GOLPH3: variants seen among roughly 807,000 people sequenced by gnomAD.
GOLPH3 encodes golgi phosphoprotein 3.
Under a neutral mutation model 28.5 loss-of-function variants are expected in GOLPH3, and 14 were observed. That is an observed-to-expected ratio of 0.49 (90% CI 0.32 to 0.77). GOLPH3 has a LOEUF of 0.77. GOLPH3 is among the 30% of genes least tolerant of loss of function. The pLI, the probability that GOLPH3 is intolerant of heterozygous loss-of-function variation, is 0.03. For missense variants in GOLPH3, 350 were observed against 393.7 expected (o/e 0.89, Z 0.94); for synonymous variants, 158 against 159.2 (o/e 0.99, Z 0.06).
rs779770172 is a variant in GOLPH3 at position 32,143,826 on chromosome 5, A to G, written c.280T>C (p.Leu94=). 19 of 1,595,722 alleles carry G rather than the reference A, an allele frequency of 1.2e-5. No homozygotes were observed. The East Asian group carries it at 4.3e-4, about 36-fold the overall frequency. ...CTTCCTCTCAATGCTAATTCAATTA[A>G]CATACAGCCACGTAATCCAGATGAT... The part of the protein sequence containing the change: ...CISSGLRGCM[L]IELALRGRLQ... Residue 94 remains leucine, a synonymous_variant, in exon 2 of 4, where the codon TTA becomes CTA. Transcript: ENST00000265070.
At chr5:32,152,427 C>T (rs116903961) in intron 1 of GOLPH3, among the ~76,000 whole-genome samples, 4,512 of 124,692 alleles carry the variant, frequency 0.036, 141 homozygotes, top group East Asian at 0.18. Flanking sequence ...GCCTGCCCCC[C>T]CCAGCCTTTT....
chr5:32,159,032 C>T (rs941989921), intron 1 of GOLPH3, among the ~76,000 whole-genome samples: 10 of 152,206 alleles, frequency 6.6e-5, no homozygotes, highest in Non-Finnish European at 8.8e-5. Flanking sequence ...GGACCTGCCA[C>T]GCACTGAGTG....
At position 32,166,966 on chromosome 5, in the gene GOLPH3, AG is replaced by A. The variant is rs147159094; in HGVS notation, c.225+6843del. 8.2e-4 allele frequency among the ~76,000 whole-genome samples: 123 copies of A among 150,750 alleles called. 1 individual carries two copies. The highest frequency in any genetic ancestry group is 1.9e-3 in the African/African-American group (78 of 40,930). On this transcript the variant is annotated intron_variant, in intron 1 of 3. Transcript: ENST00000265070. ...GCAGTAGAAAAGTTATGCTGTTAGAAGGGGGGGGGAGTTTGCAAAGACATAA... is the reference window on the plus strand; with the variant it reads ...GCAGTAGAAAAGTTATGCTGTTAGAAGGGGGGGGAGTTTGCAAAGACATAA...
chr5:32,135,608 G>C lies in GOLPH3; in HGVS notation c.436C>G (p.Pro146Ala), dbSNP rs1486718507. Residue 146 changes from proline to alanine, a missense_variant, in exon 3 of 4, where the codon CCA (proline) becomes GCA (alanine). Coordinates refer to ENST00000265070, the MANE Select transcript of GOLPH3 (RefSeq NM_022130.4). ...ALKHVKETQP[P>A]ETVQNWIELL... Reference sequence around the variant, plus strand: ...TCAATCCAGTTCTGGACCGTTTCTGGAGGCTGAGTTTCCTTAACATGCTTC... The same window carrying C: ...TCAATCCAGTTCTGGACCGTTTCTGCAGGCTGAGTTTCCTTAACATGCTTC... The C allele has an allele frequency of 6.2e-7, 1 of 1,613,524 alleles. No homozygotes were observed. Among genetic ancestry groups the C allele is most frequent in the Non-Finnish European group, 8.5e-7 (1 of 1,179,596 alleles).
At chr5:32,160,607 T>C (rs10073495) in intron 1 of GOLPH3, among the ~76,000 whole-genome samples, 81,308 of 152,126 alleles carry the variant, frequency 0.53, 23,185 homozygotes, top group Non-Finnish European at 0.63. Flanking sequence ...TTGTGCTAGA[T>C]GCTAGAGATA....
chr5:32,146,154 G>A (rs1041584408), intron 1 of GOLPH3, among the ~76,000 whole-genome samples: 4 of 152,010 alleles, frequency 2.6e-5, no homozygotes, highest in African/African-American at 9.7e-5. Context: ...GCCGGGCATG[G>A]TGGCACCCGT....
intron 1 of GOLPH3, among the ~76,000 whole-genome samples, chr5:32,151,631 C>T (rs1177909973): frequency 6.6e-6 from 1 of 152,162 alleles, no homozygotes; most frequent in Non-Finnish European, 1.5e-5. Flanking sequence ...TAAAAATATA[C>T]ATTTAAAATA....
In GOLPH3 at chr5:32,143,761, TAG is replaced by T; in HGVS notation, c.343_344del (p.Leu115IlefsTer8). On this transcript the variant is annotated frameshift_variant, in exon 2 of 4. Transcript: ENST00000265070. LOFTEE classifies it high-confidence loss of function. ...GCACTCCTCTTACCTTTCTTGTTAATAGACTTTTACGTCTCATTCCACAAGCC... is the reference window on the plus strand; with the variant it reads ...GCACTCCTCTTACCTTTCTTGTTAATACTTTTACGTCTCATTCCACAAGCC... The part of the protein sequence containing the change: ...LEACGMRRKS[L>X]LTRKVICKSD... The T allele has an allele frequency of 6.2e-7, 1 of 1,608,452 alleles. No individual in the cohort carries two copies. Among genetic ancestry groups the T allele is most frequent in the Non-Finnish European group, 8.5e-7 (1 of 1,178,352 alleles).
intron 1 of GOLPH3, among the ~76,000 whole-genome samples, chr5:32,164,900 C>CTTT (rs760066281): frequency 0.02 from 2,414 of 119,756 alleles, 158 homozygotes; most frequent in African/African-American, 0.074. Context: ...ATTATGTATT[C>CTTT]TTTTTTTTTT....
chr5:32,161,267 G>A (rs1021037850), intron 1 of GOLPH3, among the ~76,000 whole-genome samples: 4 of 150,468 alleles, frequency 2.7e-5, no homozygotes, highest in African/African-American at 1.0e-4. Flanking sequence ...GCCAGGTATA[G>A]TGGCGCACGC....
In GOLPH3 at chr5:32,174,291, C is replaced by CGGA. The variant is rs1045751567; in HGVS notation, c.-260_-258dup. 10 of 334,344 alleles carry CGGA rather than the reference C, an allele frequency of 3.0e-5. No homozygotes were observed. The highest frequency in any genetic ancestry group is 2.1e-4 in the African/African-American group (10 of 46,660). 20.7% of individuals were successfully genotyped at this position (334,344 alleles called of 1,614,324 possible). A position where few individuals can be genotyped will look rare whatever the true frequency, so the allele number is the denominator to read the frequency against. ...CCCCGAAACACCCCGAGCTCCAAGG[C>CGGA]GGAGGCGGCGGCGGCGCCTTTCCAA... On this transcript the variant is annotated 5_prime_UTR_variant, in exon 1 of 4. Coordinates refer to ENST00000265070, the MANE Select transcript of GOLPH3 (RefSeq NM_022130.4).
chr5:32,166,844 T>C (rs2111896362), intron 1 of GOLPH3, among the ~76,000 whole-genome samples: 1 of 151,096 alleles, frequency 6.6e-6, no homozygotes, highest in African/African-American at 2.4e-5. Flanking sequence ...ACAAGCACTG[T>C]CTTTTTGTGC....
At chr5:32,142,732 C>T (rs1284644317) in intron 2 of GOLPH3, among the ~76,000 whole-genome samples, 5 of 146,610 alleles carry the variant, frequency 3.4e-5, no homozygotes, top group Admixed American at 1.3e-4. Context: ...CCAGCCGCCC[C>T]GTCCGGGAGG....
chr5:32,154,607 T>C (rs1746376802), intron 1 of GOLPH3, among the ~76,000 whole-genome samples: 1 of 152,170 alleles, frequency 6.6e-6, no homozygotes, highest in South Asian at 2.1e-4. Context: ...TTTTCCCCTC[T>C]CAAATGTTTC....
intron 1 of GOLPH3, among the ~76,000 whole-genome samples, chr5:32,163,056 T>C (rs1161892499): frequency 5.3e-5 from 8 of 152,082 alleles, no homozygotes; most frequent in Non-Finnish European, 7.4e-5. Context: ...CCAGCCTGGG[T>C]GACAGAGCGA....
At chr5:32,164,964 ATC>A (rs1019629252) in intron 1 of GOLPH3, among the ~76,000 whole-genome samples, 1 of 135,112 alleles carries the variant, frequency 7.4e-6, no homozygotes, top group Non-Finnish European at 1.5e-5. Context: ...CAGTGGCATG[ATC>A]TTAGCTCACT....
chr5:32,144,001 A>AT, intron 1 of GOLPH3, 121 bp from the exon 2 acceptor site: 2 of 573,218 alleles, frequency 3.5e-6, no homozygotes, highest in Non-Finnish European at 5.6e-6. Context: ...CTGTCTTTCT[A>AT]TAATAATATA....
At position 32,158,054 on chromosome 5, in the gene GOLPH3, ACACACACT is replaced by A. The variant is rs1224117729; in HGVS notation, c.226-14182_226-14175del. On this transcript the variant is annotated intron_variant, in intron 1 of 3. Coordinates refer to ENST00000265070, the MANE Select transcript of GOLPH3 (RefSeq NM_022130.4). ...CACACACACACACACACACACACACACACACACTGGGCAAAATCAGCTTTAAACTCTGT... is the reference window on the plus strand; with the variant it reads ...CACACACACACACACACACACACACAGGGCAAAATCAGCTTTAAACTCTGT... 1.6e-4 allele frequency among the ~76,000 whole-genome samples: 21 copies of A among 132,494 alleles called. 2 individuals carry two copies. The highest frequency in any genetic ancestry group is 4.6e-4 in the African/African-American group (16 of 34,594). 86.9% of individuals were successfully genotyped at this position (132,494 alleles called of 152,430 possible).
intron 3 of GOLPH3, among the ~76,000 whole-genome samples, chr5:32,131,496 CT>C (rs1188008151): frequency 6.6e-6 from 1 of 152,142 alleles, no homozygotes; most frequent in African/African-American, 2.4e-5. Flanking sequence ...AAAGTGAATA[CT>C]TTTTAAATAC....
Sources: allele counts gnomAD v4.1 joint callset (sites outside exome capture counted in the v4.1 genomes callset), GRCh38; gene constraint gnomAD v4.1.1; transcripts MANE v1.5; gene names NCBI Gene and HGNC (gene_info 2026-07-23, HGNC 2026-07-21).